The following CFLAR variants were observed in gnomAD, a reference collection of about 807,000 sequenced individuals.
CFLAR encodes the protein CASP8 and FADD-like apoptosis regulator.
CFLAR carries 14 observed loss-of-function variants against 51.1 expected under a neutral mutation model. The ratio of observed to expected loss-of-function variants is 0.27; its 90% CI spans 0.18 to 0.43. CFLAR has a LOEUF of 0.43. CFLAR is among the 20% of genes least tolerant of loss of function. The pLI is 1.00. For missense variants in CFLAR, 390 were observed against 566.5 expected (o/e 0.69, Z 3.16); for synonymous variants, 210 against 211.6 (o/e 0.99, Z 0.06).
intron 8 of CFLAR, among the ~76,000 whole-genome samples, chr2:201,156,143 T>A (rs1942141772): frequency 6.6e-6 from 1 of 152,226 alleles, no homozygotes; most frequent in Non-Finnish European, 1.5e-5. Flanking sequence ...TGATATGTAT[T>A]CTCTTGTCCA....
At position 201,166,634 on chromosome 2, in the gene CFLAR, G is replaced by A. The variant is rs955168085; in HGVS notation, c.*2661G>A. 2.1e-4 allele frequency: 38 copies of A among 179,356 alleles called. No individual in the cohort carries two copies. Among genetic ancestry groups the A allele is most frequent in the African/African-American group, 4.1e-4 (17 of 41,848 alleles). The allele number at this position is 179,356 out of a possible 1,614,324, so 11.1% of individuals were successfully genotyped here. A position where few individuals can be genotyped will look rare whatever the true frequency, so the allele number is the denominator to read the frequency against. Reference sequence around the variant, plus strand: ...GGCAGGCGGCTGGGAGGCGGAGGCCGTAGCCAGCTGAGATCACACCACTGC... The same window carrying A: ...GGCAGGCGGCTGGGAGGCGGAGGCCATAGCCAGCTGAGATCACACCACTGC... On this transcript the variant is annotated 3_prime_UTR_variant, in exon 10 of 10. Coordinates refer to ENST00000309955, the MANE Select transcript of CFLAR (RefSeq NM_003879.7).
rs542014033 is a variant in CFLAR at position 201,133,229 on chromosome 2, G to A, written c.387+95G>A. On this transcript the variant is annotated intron_variant, in intron 3 of 9. Transcript: ENST00000309955. ...GAGAGAGGGAAGCAGGCAGTCTGCC[G>A]CCACTATAGTGGGAGTCAGACATCT... The A allele has an allele frequency of 3.6e-5, 31 of 851,072 alleles. No homozygotes were observed. The Admixed American group carries it at 4.4e-4, about 12-fold the overall frequency. 52.7% of individuals were successfully genotyped at this position (851,072 alleles called of 1,614,324 possible). A position where few individuals can be genotyped will look rare whatever the true frequency, so the allele number is the denominator to read the frequency against.
intron 3 of CFLAR, 69 bp downstream of exon 3, chr2:201,133,203 A>C (rs1386902412): frequency 8.6e-7 from 1 of 1,168,748 alleles, no homozygotes; most frequent in African/African-American, 1.5e-5. Flanking sequence ...TTGTTGATAC[A>C]GAGAGAGGGA....
At position 201,160,817 on chromosome 2, in the gene CFLAR, C is replaced by T; in HGVS notation, c.1179C>T (p.Cys393=). ...VEFKAQKRGL[C]TVHREADFFW... ...TCAAGGCTCAGAAGCGAGGGCTGTG[C>T]ACAGTTCACCGAGAAGCTGACTTCT... The change falls in exon 9 of 10, where the codon TGC becomes TGT. Residue 393 remains cysteine, a synonymous_variant. Transcript: ENST00000309955. The T allele has an allele frequency of 6.2e-7, 1 of 1,614,112 alleles. No individual in the cohort carries two copies. Among genetic ancestry groups the T allele is most frequent in the East Asian group, 2.2e-5 (1 of 44,886 alleles).
At chr2:201,136,589 C>T in intron 4 of CFLAR, 1 of 1,446,382 alleles carries the variant, frequency 6.9e-7, no homozygotes, top group Non-Finnish European at 9.0e-7. Context: ...GGACCAGATT[C>T]ACATTGGCCT....
intron 3 of CFLAR, among the ~76,000 whole-genome samples, chr2:201,135,066 A>C (rs1162262268): frequency 2.0e-5 from 3 of 152,244 alleles, no homozygotes; most frequent in South Asian, 2.1e-4. Flanking sequence ...TAGATCCCAA[A>C]GCAATGCCTG....
chr2:201,163,102 G>A (rs772116420), intron 9 of CFLAR: 1 of 750,722 alleles, frequency 1.3e-6, no homozygotes, highest in East Asian at 2.5e-5. Context: ...CAGCTTTATA[G>A]GAGAGTAGCT....
rs760789763 is a variant in CFLAR at position 201,130,178 on chromosome 2, G to T, written c.281+32G>T. The T allele has an allele frequency of 4.2e-6, 6 of 1,433,112 alleles. 1 individual carries two copies. In the Admixed American group the frequency reaches 7.6e-5, roughly 18 times the overall value. 88.8% of individuals were successfully genotyped at this position (1,433,112 alleles called of 1,614,324 possible). ...CATCAACTCTTCCTGAGGCTGGGTG[G>T]GTGGGAGGGAGTGAAGTGTCTCAGA... On this transcript the variant is annotated intron_variant, in intron 2 of 9. Transcript: ENST00000309955.
chr2:201,122,690 T>C (rs1427812524), intron 1 of CFLAR: 3 of 152,112 alleles, frequency 2.0e-5, no homozygotes, highest in Non-Finnish European at 4.4e-5. Context: ...GAGACTTGAT[T>C]TGGGGATCAA....
At position 201,138,785 on chromosome 2, in the gene CFLAR, A is replaced by G; in HGVS notation, c.524-1572A>G. The G allele has an allele frequency of 3.9e-6, 3 of 766,132 alleles. No individual in the cohort carries two copies. The highest frequency in any genetic ancestry group is 7.2e-6 in the Non-Finnish European group (3 of 417,356). 47.5% of individuals were successfully genotyped at this position (766,132 alleles called of 1,614,324 possible). A position where few individuals can be genotyped will look rare whatever the true frequency, so the allele number is the denominator to read the frequency against. On this transcript the variant is annotated intron_variant, in intron 4 of 9. Coordinates refer to ENST00000309955, the MANE Select transcript of CFLAR (RefSeq NM_003879.7). This position sits in a 1 kb window ranked among gnomAD's most constrained non-coding sequence, Gnocchi z 4.0. ...GGAACTCTGGGGTGCAGTTGTGGTG[A>G]ATGAAACCAGTACCTCCCATCAGAG...
intron 4 of CFLAR, chr2:201,136,805 T>G (rs1383605517): frequency 3.5e-6 from 1 of 288,754 alleles, no homozygotes. Flanking sequence ...TCTTGTTTTT[T>G]GAGACCTGCT....
Position 201,138,507 on chromosome 2 carries a change from T to A in CFLAR, c.524-1850T>A. 1 of 1,371,746 alleles carries A rather than the reference T, an allele frequency of 7.3e-7. No individual in the cohort carries two copies. The highest frequency in any genetic ancestry group is 1.0e-6 in the Non-Finnish European group (1 of 970,198). The allele number at this position is 1,371,746 out of a possible 1,614,324, so 85.0% of individuals were successfully genotyped here. The stretch of plus-strand genomic sequence containing the variant: ...TCACACTGCTGGAGCCACCACTAGC[T>A]TGATCCTTGGCATCATCACCTCACT... On this transcript the variant is annotated intron_variant, in intron 4 of 9. Coordinates refer to ENST00000309955, the MANE Select transcript of CFLAR (RefSeq NM_003879.7). This position sits in a 1 kb window ranked among gnomAD's most constrained non-coding sequence, Gnocchi z 4.0.
intron 9 of CFLAR, chr2:201,163,075 C>T: frequency 1.3e-6 from 1 of 753,372 alleles, no homozygotes; most frequent in East Asian, 2.4e-5. Context: ...ACTAGATGTC[C>T]TATAGGATGG....
chr2:201,170,618 C>A lies in CFLAR; in HGVS notation c.*6645C>A, dbSNP rs1943954070. ...TTGAAAATATAGAAAGGCACAATTTCTTTTTAAATCTGTTATTCTCCACCA... is the reference window on the plus strand; with the variant it reads ...TTGAAAATATAGAAAGGCACAATTTATTTTTAAATCTGTTATTCTCCACCA... On this transcript the variant is annotated 3_prime_UTR_variant, in exon 10 of 10. Coordinates refer to ENST00000309955, the MANE Select transcript of CFLAR (RefSeq NM_003879.7). The A allele has an allele frequency of 6.6e-6, 1 of 152,156 alleles. No homozygotes were observed. Among genetic ancestry groups the A allele is most frequent in the Admixed American group, 6.6e-5 (1 of 15,264 alleles). The allele number at this position is 152,156 out of a possible 1,614,324, so 9.4% of individuals were successfully genotyped here. A position where few individuals can be genotyped will look rare whatever the true frequency, so the allele number is the denominator to read the frequency against.
At chr2:201,163,225 A>G in intron 9 of CFLAR, 4 of 1,292,904 alleles carry the variant, frequency 3.1e-6, no homozygotes, top group Non-Finnish European at 4.0e-6. Context: ...TTTGTTATAT[A>G]AACATTTTTT....
chr2:201,127,180 G>C (rs2048791458), intron 1 of CFLAR, among the ~76,000 whole-genome samples: 1 of 152,190 alleles, frequency 6.6e-6, no homozygotes, highest in Admixed American at 6.5e-5. Flanking sequence ...GATCAGTCAG[G>C]AGGATTGGGT....
In CFLAR at chr2:201,176,283, G is replaced by GGT. The variant is rs1553571662; in HGVS notation, c.*12311_*12312insTG. 1.2e-4 allele frequency: 15 copies of GGT among 127,564 alleles called. No homozygotes were observed. In the East Asian group the frequency reaches 2.4e-3, roughly 20 times the overall value. The allele number at this position is 127,564 out of a possible 1,614,324, so 7.9% of individuals were successfully genotyped here. A position where few individuals can be genotyped will look rare whatever the true frequency, so the allele number is the denominator to read the frequency against. ...GTCTCAGGTGTTTTCTATTGCGGGG[G>GGT]GGGGGGGCGGGCGGGGGAGCTGCCT... On this transcript the variant is annotated 3_prime_UTR_variant, in exon 10 of 10. Transcript: ENST00000309955.
chr2:201,169,348 A>G lies in CFLAR; in HGVS notation c.*5375A>G, dbSNP rs1199450678. The G allele has an allele frequency of 6.6e-6, 1 of 152,318 alleles. No homozygotes were observed. The allele number at this position is 152,318 out of a possible 1,614,324, so 9.4% of individuals were successfully genotyped here. Reference sequence around the variant, plus strand: ...CTGATCATCGACAAACCTGACAAAAACAAGCAATGGGGAAAAGATTCCCTA... The same window carrying G: ...CTGATCATCGACAAACCTGACAAAAGCAAGCAATGGGGAAAAGATTCCCTA... On this transcript the variant is annotated 3_prime_UTR_variant, in exon 10 of 10. Transcript: ENST00000309955.
At chr2:201,141,391 C>G in intron 5 of CFLAR, 1 of 1,559,556 alleles carries the variant, frequency 6.4e-7, no homozygotes, top group African/African-American at 1.4e-5. Context: ...CACCCTATGC[C>G]CATTGTCCTG....
Sources: allele counts gnomAD v4.1 joint callset (sites outside exome capture counted in the v4.1 genomes callset), GRCh38; gene constraint gnomAD v4.1.1; non-coding constraint Gnocchi (gnomAD v3.1); transcripts MANE v1.5; gene names NCBI Gene and HGNC (gene_info 2026-07-23, HGNC 2026-07-21).